HLTF: variants seen among roughly 807,000 people sequenced by gnomAD.
HLTF encodes helicase like transcription factor, also known as DNA-dependent ATPase/E3 ubiquitin-protein ligase HLTF.
Under a neutral mutation model 129.4 loss-of-function variants are expected in HLTF, and 127 were observed. That is an observed-to-expected ratio of 0.98 (90% CI 0.85 to 1.14). HLTF has a LOEUF of 1.14. Among genes scored for constraint, HLTF ranks in the 50% most tolerant of loss-of-function variants. HLTF has a pLI of 0.00. For missense variants in HLTF, 1,139 were observed against 1,187.1 expected (o/e 0.96, Z 0.60); for synonymous variants, 332 against 388.8 (o/e 0.85, Z 1.72).
At chr3:149,086,261 T>C (rs2108086451) in intron 1 of HLTF, 56 bp downstream of exon 1, 4 of 1,562,496 alleles carry the variant, frequency 2.6e-6, no homozygotes, top group East Asian at 2.3e-5. Flanking sequence ...TCAGGTTCAT[T>C]TGGGGACGCC....
At chr3:149,067,022 C>T (rs1473158396) in intron 8 of HLTF, among the ~76,000 whole-genome samples, 2 of 152,066 alleles carry the variant, frequency 1.3e-5, no homozygotes, top group African/African-American at 4.8e-5. Flanking sequence ...AAGTATATTG[C>T]ATACATCTTT....
intron 10 of HLTF, chr3:149,062,910 TC>T (rs1450298798): frequency 1.3e-5 from 3 of 231,254 alleles, no homozygotes; most frequent in Non-Finnish European, 2.7e-5. Flanking sequence ...CCAATTCATT[TC>T]TTTTATAGGT....
intron 19 of HLTF, 118 bp from the exon 20 acceptor site, chr3:149,041,786 A>G (rs1237305045): frequency 5.7e-6 from 4 of 704,326 alleles, no homozygotes; most frequent in African/African-American, 5.4e-5. Context: ...ATTTTCTGCC[A>G]TAGGCAAAAA....
intron 8 of HLTF, 109 bp downstream of exon 8, chr3:149,068,131 A>G (rs1718558610): frequency 1.0e-5 from 6 of 588,130 alleles, no homozygotes; most frequent in Non-Finnish European, 1.8e-5. Context: ...GAGACCATTC[A>G]TCGCATTTCT....
At chr3:149,033,007 G>C (rs1348744818) in intron 24 of HLTF, among the ~76,000 whole-genome samples, 1 of 147,356 alleles carries the variant, frequency 6.8e-6, no homozygotes, top group Admixed American at 6.7e-5. Flanking sequence ...ATTCAAGAAT[G>C]AATCTTTAGT....
At chr3:149,042,637 T>C (rs1179101847) in intron 18 of HLTF, among the ~76,000 whole-genome samples, 3 of 152,168 alleles carry the variant, frequency 2.0e-5, no homozygotes, top group South Asian at 4.1e-4. Context: ...ACAGGGTGCA[T>C]GCTTGGTGAC....
intron 13 of HLTF, among the ~76,000 whole-genome samples, chr3:149,058,013 C>T (rs1282090908): frequency 1.3e-5 from 2 of 152,200 alleles, no homozygotes; most frequent in African/African-American, 4.8e-5. Flanking sequence ...GCACGAATTC[C>T]TATTGCTGCA....
chr3:149,084,638 G>A (rs780930735), intron 2 of HLTF, 44 bp downstream of exon 2: 5 of 1,367,948 alleles, frequency 3.7e-6, no homozygotes, highest in Middle Eastern at 1.8e-4. Context: ...CTAGGTTAAC[G>A]CCAGAAATAT....
chr3:149,071,346 C>T lies in HLTF; in HGVS notation c.800G>A (p.Arg267Gln), dbSNP rs527812739. 1.1e-5 allele frequency: 17 copies of T among 1,612,340 alleles called. No homozygotes were observed. The highest frequency in any genetic ancestry group is 1.7e-5 in the Admixed American group (1 of 60,020). Residue 267 changes from arginine to glutamine, a missense_variant, in exon 7 of 25, where the codon CGA (arginine) becomes CAA (glutamine). Transcript: ENST00000310053. ...TATTGTGTTATAGTATAAGTCATTT[C>T]GCTGTTCCCAGAATGGTGGAAGTTC... ...SKELPPFWEQRNDLYYNTITN... is the reference protein window; with the variant it reads ...SKELPPFWEQQNDLYYNTITN...
intron 2 of HLTF, among the ~76,000 whole-genome samples, chr3:149,080,897 T>C (rs1719804845): frequency 6.6e-6 from 1 of 152,184 alleles, no homozygotes; most frequent in South Asian, 2.1e-4. Context: ...ATACCCCGCA[T>C]AACAACATTT....
chr3:149,081,992 G>A (rs938746282), intron 2 of HLTF, among the ~76,000 whole-genome samples: 1 of 152,146 alleles, frequency 6.6e-6, no homozygotes, highest in Non-Finnish European at 1.5e-5. Flanking sequence ...ATGGGAATAA[G>A]TTTGAATATC....
At chr3:149,073,662 C>T (rs1476411283) in intron 4 of HLTF, among the ~76,000 whole-genome samples, 2 of 152,190 alleles carry the variant, frequency 1.3e-5, no homozygotes, top group Admixed American at 1.3e-4. Context: ...GGCCACTGTA[C>T]TCTAGCCTGG....
In HLTF at chr3:149,048,849, A is replaced by T. The variant is rs1271359391; in HGVS notation, c.1756+14T>A. 1 of 1,601,710 alleles carries T rather than the reference A, an allele frequency of 6.2e-7. No individual in the cohort carries two copies. Among genetic ancestry groups the T allele is most frequent in the South Asian group, 1.1e-5 (1 of 90,736 alleles). ...AGAGATTTAAGGTTTTAGTAAGTTT[A>T]ATGCTATGATTACCTGTCAAAACCC... is the stretch of plus-strand genomic sequence containing the variant. On this transcript the variant is annotated intron_variant, in intron 16 of 24. Coordinates refer to ENST00000310053, the MANE Select transcript of HLTF (RefSeq NM_003071.4).
chr3:149,051,579 G>C (rs577634517), intron 14 of HLTF, among the ~76,000 whole-genome samples: 1 of 152,322 alleles, frequency 6.6e-6, no homozygotes, highest in Admixed American at 6.5e-5. Context: ...AAATATTCCA[G>C]GCCAGGTGCA....
At chr3:149,041,705 G>T (rs895718461) in intron 19 of HLTF, 37 bp from the exon 20 acceptor site, 56 of 1,417,864 alleles carry the variant, frequency 3.9e-5, no homozygotes, top group Middle Eastern at 1.9e-4. Flanking sequence ...TCAGAGCAAG[G>T]TTTGTAATAT....
chr3:149,050,018 G>A, intron 15 of HLTF, among the ~76,000 whole-genome samples: 1 of 147,260 alleles, frequency 6.8e-6, no homozygotes, highest in African/African-American at 2.5e-5. Context: ...GAGGAGTGGA[G>A]AAAAGAAAAA....
rs143631033 is a variant in HLTF at position 149,084,739 on chromosome 3, G to A, written c.171C>T (p.Ser57=). ...GACCTCTCAAACTTCCAAATAAAAC[G>A]GAATCTACTTCTTCATCACTAGTTA... ...DFLTSDEEVD[S]VLFGSLRGHV... The change falls in exon 2 of 25, where the codon TCC becomes TCT. Residue 57 remains serine (S), a synonymous_variant. Transcript: ENST00000310053. 3.5e-5 allele frequency: 57 copies of A among 1,613,952 alleles called. No homozygotes were observed. The East Asian group carries it at 1.2e-3, about 33-fold the overall frequency.
Position 149,039,566 on chromosome 3 carries a change from C to A in HLTF, c.2615+15G>T. 1 of 1,181,228 alleles carries A rather than the reference C, an allele frequency of 8.5e-7. No individual in the cohort carries two copies. Among genetic ancestry groups the A allele is most frequent in the Non-Finnish European group, 1.2e-6 (1 of 815,702 alleles). 73.2% of individuals were successfully genotyped at this position (1,181,228 alleles called of 1,614,324 possible). On this transcript the variant is annotated intron_variant, in intron 22 of 24. Coordinates refer to ENST00000310053, the MANE Select transcript of HLTF (RefSeq NM_003071.4). Reference sequence around the variant, plus strand: ...AAATCCTTTTACTGAAAGTGAAAAACACTGTGGAACTTACTTAAGTGGTAT... The same window carrying A: ...AAATCCTTTTACTGAAAGTGAAAAAAACTGTGGAACTTACTTAAGTGGTAT...
At chr3:149,070,057 C>T (rs772700433) in intron 7 of HLTF, among the ~76,000 whole-genome samples, 1 of 152,092 alleles carries the variant, frequency 6.6e-6, no homozygotes, top group Non-Finnish European at 1.5e-5. Flanking sequence ...AATATTCATT[C>T]AATGAGCAAG....
Sources: gnomAD v4.1 joint callset for allele counts (sites outside exome capture counted in the v4.1 genomes callset) on GRCh38, gnomAD v4.1.1 for gene constraint, MANE v1.5 for transcripts, NCBI Gene and HGNC (gene_info 2026-07-23, HGNC 2026-07-21) for gene names.